The following CPN1 variants were observed in gnomAD, a reference collection of about 807,000 sequenced individuals.
CPN1 encodes the protein carboxypeptidase N subunit 1.
CPN1 carries 37 observed loss-of-function variants against 46.4 expected under a neutral mutation model. The ratio of observed to expected loss-of-function variants is 0.80; its 90% CI spans 0.61 to 1.05. The LOEUF (loss-of-function observed/expected upper bound fraction) is 1.05. CPN1 is among the 50% of genes least tolerant of loss of function. The probability of loss-of-function intolerance (pLI) is 0.00; values close to 1 mark genes in which losing one functional copy is unlikely to be tolerated. For synonymous variants in CPN1, 224 were observed against 235.4 expected, an observed-to-expected ratio of 0.95 and a Z score of 0.44; for missense variants, 563 against 602.6, an observed-to-expected ratio of 0.93 and a Z score of 0.69.
chr10:100,077,158 A>C (rs1206135641), intron 1 of CPN1, among the ~76,000 whole-genome samples: 2 of 149,676 alleles, frequency 1.3e-5, no homozygotes, highest in East Asian at 3.9e-4. Flanking sequence ...AGTTCACATG[A>C]TACTCTGTGA....
rs946161756 is a variant in CPN1 at position 100,065,157 on chromosome 10, C to T, written c.759+31G>A. 3 of 1,602,638 alleles carry T rather than the reference C, an allele frequency of 1.9e-6. No homozygotes were observed. The East Asian group carries it at 6.7e-5, about 36-fold the overall frequency. ...AGCTCACCTCCTGAGCCCCAAGTTC[C>T]CCTGGCGGGACAAGCTGCTTCTCCA... On this transcript the variant is annotated intron_variant, in intron 4 of 8. Coordinates refer to ENST00000370418, the MANE Select transcript of CPN1 (RefSeq NM_001308.3).
chr10:100,059,589 T>C (rs1386447863), intron 5 of CPN1, among the ~76,000 whole-genome samples: 1 of 103,720 alleles, frequency 9.6e-6, no homozygotes, highest in Non-Finnish European at 1.9e-5. Context: ...GGATGGCTAC[T>C]ATCAAAAAAA....
intron 8 of CPN1, among the ~76,000 whole-genome samples, chr10:100,047,127 T>C (rs1044980773): frequency 6.6e-6 from 1 of 151,694 alleles, no homozygotes; most frequent in Non-Finnish European, 1.5e-5. Flanking sequence ...TCCCAGCTAC[T>C]TGGAAAGATG....
rs1031766314 is a variant in CPN1 at position 100,042,290 on chromosome 10, C to G, written c.*137G>C. 7.3e-6 allele frequency: 9 copies of G among 1,227,142 alleles called. No individual in the cohort carries two copies. The highest frequency in any genetic ancestry group is 1.1e-5 in the Non-Finnish European group (9 of 846,202). 76.0% of individuals were successfully genotyped at this position (1,227,142 alleles called of 1,614,324 possible). A position where few individuals can be genotyped will look rare whatever the true frequency, so the allele number is the denominator to read the frequency against. On this transcript the variant is annotated 3_prime_UTR_variant, in exon 9 of 9. Transcript: ENST00000370418. ...ACCTAGAGATGGCTTACCCCTGGAACAGATGGAGACCATTCTGAATTGTTC... is the reference window on the plus strand; with the variant it reads ...ACCTAGAGATGGCTTACCCCTGGAAGAGATGGAGACCATTCTGAATTGTTC...
At chr10:100,054,224 C>T in intron 7 of CPN1, 123 bp downstream of exon 7, 4 of 767,276 alleles carry the variant, frequency 5.2e-6, no homozygotes, top group South Asian at 4.3e-5. Context: ...CTCCATCCCC[C>T]CCACTCCCAG....
chr10:100,059,592 C>CAA (rs71013408), intron 5 of CPN1, among the ~76,000 whole-genome samples: 31,108 of 114,794 alleles, frequency 0.27, 4,559 homozygotes, highest in Admixed American at 0.37. Flanking sequence ...TGGCTACTAT[C>CAA]AAAAAAAAAA....
At chr10:100,064,660 C>T (rs1381019714) in intron 4 of CPN1, among the ~76,000 whole-genome samples, 1 of 151,822 alleles carries the variant, frequency 6.6e-6, no homozygotes, top group Non-Finnish European at 1.5e-5. Context: ...GGATTACAGG[C>T]GTGAGCCACC....
At chr10:100,070,524 C>T (rs535884594) in intron 2 of CPN1, among the ~76,000 whole-genome samples, 1 of 152,214 alleles carries the variant, frequency 6.6e-6, no homozygotes, top group South Asian at 2.1e-4. Flanking sequence ...CAGGCAAGAG[C>T]TACTACATGC....
At chr10:100,071,035 A>G (rs948134317) in intron 2 of CPN1, among the ~76,000 whole-genome samples, 1 of 152,028 alleles carries the variant, frequency 6.6e-6, no homozygotes, top group African/African-American at 2.4e-5. Flanking sequence ...GTCATACATT[A>G]TCTGTTCTTT....
At chr10:100,062,350 T>G (rs1385750988) in intron 5 of CPN1, among the ~76,000 whole-genome samples, 1 of 152,120 alleles carries the variant, frequency 6.6e-6, no homozygotes, top group African/African-American at 2.4e-5. Flanking sequence ...GGTTACATTA[T>G]CAATGGCCAA....
chr10:100,052,075 T>A (rs1215229188), intron 7 of CPN1, among the ~76,000 whole-genome samples: 1 of 113,892 alleles, frequency 8.8e-6, no homozygotes, highest in African/African-American at 4.1e-5. Context: ...ACCCAGCTAA[T>A]TTTTTTTTTT....
At chr10:100,047,184 G>A (rs897555679) in intron 8 of CPN1, among the ~76,000 whole-genome samples, 4 of 152,096 alleles carry the variant, frequency 2.6e-5, no homozygotes, top group Non-Finnish European at 4.4e-5. Context: ...CCATAATCAC[G>A]CCAGTGCACA....
At chr10:100,043,663 C>T (rs2041291683) in intron 8 of CPN1, among the ~76,000 whole-genome samples, 2 of 145,442 alleles carry the variant, frequency 1.4e-5, no homozygotes, top group African/African-American at 2.6e-5. Context: ...ATTTATTTTA[C>T]TTTTCTTTTT....
chr10:100,054,841 CTTTTTTT>C (rs56250435), intron 6 of CPN1, among the ~76,000 whole-genome samples: 4 of 132,760 alleles, frequency 3.0e-5, no homozygotes, highest in African/African-American at 5.6e-5. Context: ...TTCTTTCTTT[CTTTTTTT>C]TTTTTTTTTT....
At chr10:100,043,912 C>T (rs1318175855) in intron 8 of CPN1, among the ~76,000 whole-genome samples, 1 of 152,114 alleles carries the variant, frequency 6.6e-6, no homozygotes, top group Non-Finnish European at 1.5e-5. Flanking sequence ...AGATACTTTT[C>T]ACTGACAAAT....
intron 8 of CPN1, among the ~76,000 whole-genome samples, chr10:100,044,273 A>C (rs1249676151): frequency 2.6e-5 from 4 of 152,178 alleles, no homozygotes; most frequent in Admixed American, 1.3e-4. Context: ...GAAGAGAGAC[A>C]AGAAAATGAG....
rs746903361 is a variant in CPN1 at position 100,059,059 on chromosome 10, C to T, written c.872-1907G>A. On this transcript the variant is annotated intron_variant, in intron 5 of 8. Transcript: ENST00000370418. ...ACTCAAGATGGATTGGCAACCTAAA[C>T]GTAAGACCCAAAACTATAAAACTCT... 1.3e-3 allele frequency among the ~76,000 whole-genome samples: 195 copies of T among 152,040 alleles called. 3 individuals are homozygous for T. Among genetic ancestry groups the T allele is most frequent in the Admixed American group, 0.013 (192 of 15,258 alleles).
At chr10:100,057,203 T>C in intron 5 of CPN1, 51 bp from the exon 6 acceptor site, 1 of 1,594,674 alleles carries the variant, frequency 6.3e-7, no homozygotes, top group South Asian at 1.1e-5. Context: ...TCCCACCCAA[T>C]GCCCCATCTC....
intron 7 of CPN1, among the ~76,000 whole-genome samples, chr10:100,053,040 A>G (rs2041364581): frequency 6.6e-6 from 1 of 152,214 alleles, no homozygotes; most frequent in South Asian, 2.1e-4. Flanking sequence ...TTTCTGTAAA[A>G]AAAGGAAAAA....
Sources: allele counts gnomAD v4.1 joint callset (sites outside exome capture counted in the v4.1 genomes callset), GRCh38; gene constraint gnomAD v4.1.1; transcripts MANE v1.5; gene names NCBI Gene and HGNC (gene_info 2026-07-23, HGNC 2026-07-21).